The following CERS5 variants were observed in gnomAD, a reference collection of about 807,000 sequenced individuals.
CERS5 encodes ceramide synthase 5.
Under a neutral mutation model 58.9 loss-of-function variants are expected in CERS5, and 37 were observed. That is an observed-to-expected ratio of 0.63 (90% confidence interval 0.48 to 0.83). The LOEUF (loss-of-function observed/expected upper bound fraction) is 0.83, where lower values mean the gene tolerates loss of function less well. Among genes scored for constraint, CERS5 ranks in the 40% least tolerant of loss-of-function variants. The pLI is 0.00. For synonymous variants in CERS5, 147 were observed against 177.8 expected, an observed-to-expected ratio of 0.83 and a Z score of 1.38; for missense variants, 398 against 489.3, an observed-to-expected ratio of 0.81 and a Z score of 1.76.
intron 1 of CERS5, among the ~76,000 whole-genome samples, chr12:50,151,685 C>T (rs1937976159): frequency 6.6e-6 from 1 of 152,210 alleles, no homozygotes; most frequent in Non-Finnish European, 1.5e-5. Context: ...TGGAGTCTCC[C>T]TCTGTCACCT....
In CERS5 at chr12:50,162,169, C is replaced by T. The variant is rs184252410; in HGVS notation, c.197+4932G>A. Among the ~76,000 whole-genome samples, 15 of 142,696 alleles carry T rather than the reference C, an allele frequency of 1.1e-4. 1 individual carries two copies. The East Asian group carries it at 2.9e-3, about 27-fold the overall frequency. 93.6% of individuals were successfully genotyped at this position (142,696 alleles called of 152,430 possible). ...GGGATTACAGGCATGAGCCACCATGCCTGGCTGATTTGTTCTTTTTTTTTT... is the reference window on the plus strand; with the variant it reads ...GGGATTACAGGCATGAGCCACCATGTCTGGCTGATTTGTTCTTTTTTTTTT... On this transcript the variant is annotated intron_variant, in intron 1 of 9. Transcript: ENST00000317551.
intron 1 of CERS5, among the ~76,000 whole-genome samples, chr12:50,148,942 A>G (rs1360208700): frequency 7.7e-6 from 1 of 130,028 alleles, no homozygotes; most frequent in African/African-American, 3.1e-5. Flanking sequence ...ATATATATAT[A>G]TATATGTGTG....
intron 9 of CERS5, among the ~76,000 whole-genome samples, chr12:50,131,429 C>T (rs995672406): frequency 2.6e-5 from 4 of 151,666 alleles, no homozygotes; most frequent in African/African-American, 7.3e-5. Context: ...TGTGGTGGCG[C>T]GCACCTGTAA....
intron 8 of CERS5, 87 bp downstream of exon 8, chr12:50,135,645 C>T (rs1951651351): frequency 3.0e-6 from 3 of 985,288 alleles, no homozygotes; most frequent in Non-Finnish European, 4.9e-6. Context: ...TAGAATAGAA[C>T]AGAAAAACTG....
Position 50,167,106 on chromosome 12 carries a change from G to A in CERS5, c.192C>T (p.Phe64=). Reference sequence around the variant, plus strand: ...GCTCGCTCCCGGGCTCTCACCGCTCGAAGAGCAGCCTCACGAAGAAGATGC... The same window carrying A: ...GCTCGCTCCCGGGCTCTCACCGCTCAAAGAGCAGCCTCACGAAGAAGATGC... ...AAGIFFVRLL[F]ERFIAKPCAL... Residue 64 remains phenylalanine, a synonymous_variant, in exon 1 of 10, where the codon TTC becomes TTT. Transcript: ENST00000317551. The A allele has an allele frequency of 1.9e-6, 3 of 1,538,604 alleles. No individual in the cohort carries two copies. The highest frequency in any genetic ancestry group is 1.4e-5 in the African/African-American group (1 of 71,384).
rs78089413 is a variant in CERS5 at position 50,133,802 on chromosome 12, G to A, written c.1029+744C>T. 16,995 of 984,606 alleles carry A rather than the reference G, an allele frequency of 0.017. 1,118 individuals are homozygous for A. In the East Asian group the frequency reaches 0.4, roughly 23 times the overall value. The allele number at this position is 984,606 out of a possible 1,614,324, so 61.0% of individuals were successfully genotyped here. On this transcript the variant is annotated intron_variant, in intron 9 of 9. Transcript: ENST00000317551. ...AAGGTAAAACAGGCAGGCCAGGTGC[G>A]GTGGCTCACGCCTGTAATCCCAGCA...
At chr12:50,146,683 T>C (rs1485144887) in intron 1 of CERS5, among the ~76,000 whole-genome samples, 3 of 151,700 alleles carry the variant, frequency 2.0e-5, no homozygotes, top group Non-Finnish European at 4.4e-5. Flanking sequence ...CCGTCTCTAC[T>C]AAAAATACAA....
rs142303472 is a variant in CERS5, at chr12:50,138,583, T to C, written c.527A>G (p.His176Arg). The C allele has an allele frequency of 2.0e-5, 32 of 1,613,762 alleles. No individual in the cohort carries two copies. In the African/African-American group the frequency reaches 3.3e-4, roughly 17 times the overall value. ...PWFWDIRQCW[H>R]NYPFQPLSSG... ...AGATCCTACCTGAAATGGATAGTTA[T>C]GCCAGCACTGTCGGATGTCCCAGAA... The change falls in exon 5 of 10, where the codon CAT becomes CGT. Residue 176 changes from histidine (H) to arginine (R), a missense_variant. By Grantham distance (29) the His-to-Arg change is conservative (BLOSUM62 0). Around this residue, in one of 3 missense-constraint regions of CERS5, gnomAD observed 328 missense variants for 384.5 expected, o/e 0.85. Coordinates refer to ENST00000317551, the MANE Select transcript of CERS5 (RefSeq NM_147190.5).
rs71083511 is a variant in CERS5, at chr12:50,148,904, C to CAAA, written c.198-4850_198-4848dup. On this transcript the variant is annotated intron_variant, in intron 1 of 9. Transcript: ENST00000317551. ...GGGGTGACGGAGCGAGACTCCATCT[C>CAAA]AAAAAAAAAAAAAAAAAAAAAAAAT... Among the ~76,000 whole-genome samples, 41 of 72,082 alleles carry CAAA rather than the reference C, an allele frequency of 5.7e-4. 1 individual carries two copies. Among genetic ancestry groups the CAAA allele is most frequent in the African/African-American group, 2.2e-3 (36 of 16,484 alleles). 47.3% of individuals were successfully genotyped at this position (72,082 alleles called of 152,430 possible).
Position 50,134,611 on chromosome 12 carries a change from G to A in CERS5, c.964C>T (p.Leu322Phe), listed in dbSNP as rs1055229071. The stretch of plus-strand genomic sequence containing the variant: ...AGGTAGGACCAGATGACATGCAGAA[G>A]CTGTAGGGTCAGCAGCAGGCCATTG... ...LLNGLLLTLQ[L>F]LHVIWSYLIA... The change falls in exon 9 of 10, where the codon CTT becomes TTT. Residue 322 changes from leucine (L) to phenylalanine (F), a missense_variant. Transcript: ENST00000317551. 6.2e-7 allele frequency: 1 copy of A among 1,614,046 alleles called. No individual in the cohort carries two copies. The highest frequency in any genetic ancestry group is 1.3e-5 in the African/African-American group (1 of 74,918).
chr12:50,149,880 C>T (rs1460422917), intron 1 of CERS5, among the ~76,000 whole-genome samples: 1 of 152,086 alleles, frequency 6.6e-6, no homozygotes, highest in Non-Finnish European at 1.5e-5. Context: ...GTAGCTGGGA[C>T]TACAGGCGTG....
At chr12:50,145,458 G>A (rs1388957639) in intron 1 of CERS5, among the ~76,000 whole-genome samples, 1 of 152,112 alleles carries the variant, frequency 6.6e-6, no homozygotes, top group Non-Finnish European at 1.5e-5. Flanking sequence ...ACTGGGAGGT[G>A]TAAAATGGAG....
At chr12:50,140,477 G>A (rs1036396922) in intron 4 of CERS5, among the ~76,000 whole-genome samples, 1 of 151,718 alleles carries the variant, frequency 6.6e-6, no homozygotes, top group African/African-American at 2.4e-5. Flanking sequence ...TAGAGATAGA[G>A]TTTTGCCCTG....
intron 1 of CERS5, among the ~76,000 whole-genome samples, chr12:50,145,647 T>G (rs1489713195): frequency 6.6e-6 from 1 of 151,604 alleles, no homozygotes; most frequent in Non-Finnish European, 1.5e-5. Flanking sequence ...CTGTAACACA[T>G]TCTCTTTTAC....
At chr12:50,135,383 G>C (rs1951633127) in intron 8 of CERS5, 2 of 448,378 alleles carry the variant, frequency 4.5e-6, no homozygotes, top group South Asian at 3.6e-5. Flanking sequence ...ACACAAGCAA[G>C]AAGGGACTGA....
chr12:50,130,866 C>T (rs1297987360), intron 9 of CERS5, among the ~76,000 whole-genome samples, 172 bp from the exon 10 acceptor site: 6 of 152,154 alleles, frequency 3.9e-5, no homozygotes, highest in Non-Finnish European at 1.5e-5. Context: ...GCTTTACCTG[C>T]TTTCTAGTTT....
intron 1 of CERS5, among the ~76,000 whole-genome samples, chr12:50,148,920 AAAAAAAAAT>A (rs1384906405): frequency 4.7e-4 from 46 of 98,000 alleles, no homozygotes; most frequent in African/African-American, 1.5e-3. Context: ...AAAAAAAAAA[AAAAAAAAAT>A]ATATATATAT....
At chr12:50,143,261 C>T in intron 2 of CERS5, 57 bp from the exon 3 acceptor site, 1 of 1,592,656 alleles carries the variant, frequency 6.3e-7, no homozygotes, top group South Asian at 1.1e-5. Flanking sequence ...TCCTTCAATC[C>T]CATTGACTAG....
intron 9 of CERS5, among the ~76,000 whole-genome samples, chr12:50,131,335 C>T (rs1180653880): frequency 5.3e-5 from 8 of 151,916 alleles, no homozygotes; most frequent in Non-Finnish European, 8.8e-5. Context: ...CCGAGGCAGG[C>T]GGATCACAAG....
Sources: allele counts gnomAD v4.1 joint callset (sites outside exome capture counted in the v4.1 genomes callset), GRCh38; gene constraint gnomAD v4.1.1; regional missense constraint gnomAD v4.1.1; transcripts MANE v1.5; gene names NCBI Gene and HGNC (gene_info 2026-07-23, HGNC 2026-07-21).